BCL2L14: variants seen among roughly 807,000 people sequenced by gnomAD.
The protein encoded by BCL2L14 is apoptosis facilitator Bcl-2-like protein 14.
Under a neutral mutation model 35.3 loss-of-function variants are expected in BCL2L14, and 27 were observed. The observed-to-expected ratio is 0.76, with a 90% CI of 0.56 to 1.05. BCL2L14 has a LOEUF of 1.05. Ranked by LOEUF, BCL2L14 falls within the 50% of genes least tolerant of loss-of-function variation. BCL2L14 has a pLI of 0.00. For missense variants in BCL2L14, 377 were observed against 382.6 expected (o/e 0.99, Z 0.12); for synonymous variants, 139 against 145.9 (o/e 0.95, Z 0.34).
intron 2 of BCL2L14, among the ~76,000 whole-genome samples, chr12:12,083,187 A>G (rs1948966149): frequency 6.6e-6 from 1 of 152,064 alleles, no homozygotes; most frequent in Non-Finnish European, 1.5e-5. Flanking sequence ...GATGGTCTCG[A>G]TCTCCTGGCC....
rs563390070 is a variant in BCL2L14 at position 12,053,586 on chromosome 12, A to G, written c.-272+1739A>G. ...CAGGCATGTGCCACCACACCCGGCTAATTTTGTATTTTTAGTAGAGATGGG... is the reference window on the plus strand; with the variant it reads ...CAGGCATGTGCCACCACACCCGGCTGATTTTGTATTTTTAGTAGAGATGGG... On this transcript the variant is annotated intron_variant, in intron 2 of 3. Coordinates refer to the BCL2L14 transcript ENST00000461264. Among the ~76,000 whole-genome samples, 379 of 152,090 alleles carry G rather than the reference A, an allele frequency of 2.5e-3. 1 individual carries two copies. The highest frequency in any genetic ancestry group is 8.2e-3 in the African/African-American group (342 of 41,486).
chr12:12,051,721 T>C (rs1295309052), intron 1 of BCL2L14: 3 of 152,222 alleles, frequency 2.0e-5, no homozygotes, highest in Non-Finnish European at 4.4e-5. Flanking sequence ...CACTTCATGA[T>C]AGTCTAATAT....
intron 2 of BCL2L14, among the ~76,000 whole-genome samples, chr12:12,052,527 C>T (rs1365590774): frequency 6.6e-6 from 1 of 152,222 alleles, no homozygotes; most frequent in Non-Finnish European, 1.5e-5. Context: ...CCAGATTCAT[C>T]CATGTTGTCC....
chr12:12,075,478 T>A (rs371172521), intron 1 of BCL2L14, among the ~76,000 whole-genome samples: 41 of 151,026 alleles, frequency 2.7e-4, no homozygotes, highest in African/African-American at 9.2e-4. Flanking sequence ...CCAGGCTGGA[T>A]GCAATGGCGT....
At chr12:12,075,410 A>ATTCTTTCTTTCTTTCT (rs71057801) in intron 1 of BCL2L14, among the ~76,000 whole-genome samples, 24 of 142,952 alleles carry the variant, frequency 1.7e-4, no homozygotes, top group Non-Finnish European at 2.4e-4. Context: ...ATATGTTTCT[A>ATTCTTTCTTTCTTTCT]TTCTTTCTTT....
chr12:12,095,126 C>G (rs150883781), intron 5 of BCL2L14, 196 bp downstream of exon 5: 1 of 985,056 alleles, frequency 1.0e-6, no homozygotes, highest in African/African-American at 1.7e-5. Context: ...TAAATATTTA[C>G]TGAGCTCTCC....
At chr12:12,056,915 TC>T (rs2136709309) in intron 2 of BCL2L14, among the ~76,000 whole-genome samples, 1 of 152,262 alleles carries the variant, frequency 6.6e-6, no homozygotes, top group Non-Finnish European at 1.5e-5. Flanking sequence ...AAGCATGCAA[TC>T]AAAGAGACTG....
chr12:12,059,460 T>A (rs922499077), intron 2 of BCL2L14, among the ~76,000 whole-genome samples: 1 of 151,966 alleles, frequency 6.6e-6, no homozygotes, highest in Non-Finnish European at 1.5e-5. Context: ...CCCAATCCCT[T>A]ATTTCTGCAC....
At chr12:12,058,600 A>C (rs1948470117) in intron 2 of BCL2L14, among the ~76,000 whole-genome samples, 6 of 140,060 alleles carry the variant, frequency 4.3e-5, no homozygotes, top group Admixed American at 7.2e-5. Flanking sequence ...TGTGACCCCC[A>C]CTCCTGCCCG....
intron 2 of BCL2L14, among the ~76,000 whole-genome samples, chr12:12,057,947 CT>C (rs71057796): frequency 2.8e-4 from 39 of 139,762 alleles, no homozygotes; most frequent in African/African-American, 5.5e-4. Context: ...GTGTGTTTGT[CT>C]TTTTTTTTTT....
At chr12:12,060,821 C>T (rs547582380) in intron 2 of BCL2L14, among the ~76,000 whole-genome samples, 1 of 131,380 alleles carries the variant, frequency 7.6e-6, no homozygotes. Flanking sequence ...GCCGAAGGCT[C>T]TCTGACTGAC....
At chr12:12,075,257 G>A (rs1316939700) in intron 1 of BCL2L14, among the ~76,000 whole-genome samples, 1 of 151,938 alleles carries the variant, frequency 6.6e-6, no homozygotes, top group Non-Finnish European at 1.5e-5. Flanking sequence ...CAACTCACTG[G>A]AATTACAGGC....
chr12:12,097,211 T>C (rs2961554), intron 5 of BCL2L14, among the ~76,000 whole-genome samples: 35,829 of 152,050 alleles, frequency 0.24, 4,634 homozygotes, highest in East Asian at 0.37. Context: ...CCCAAGAAAG[T>C]TGAAGACATA....
At chr12:12,060,498 T>C (rs1199645203) in intron 2 of BCL2L14, among the ~76,000 whole-genome samples, 13 of 106,358 alleles carry the variant, frequency 1.2e-4, no homozygotes, top group African/African-American at 3.9e-4. Context: ...CACAACAGGA[T>C]TTAATTAACC....
Position 12,091,091 on chromosome 12 carries a change from G to T in BCL2L14, c.678+242G>T, listed in dbSNP as rs57636609. 1.4e-4 allele frequency among the ~76,000 whole-genome samples: 21 copies of T among 152,288 alleles called. No homozygotes were observed. In the East Asian group the frequency reaches 4.1e-3, roughly 29 times the overall value. Reference sequence around the variant, plus strand: ...CTTGGAATTTTTGGAAACTAAAAAAGAAACTTGTTATTGCAAGAAAAGACA... The same window carrying T: ...CTTGGAATTTTTGGAAACTAAAAAATAAACTTGTTATTGCAAGAAAAGACA... On this transcript the variant is annotated intron_variant, in intron 4 of 5. Transcript: ENST00000308721.
At chr12:12,065,767 G>A (rs1948586622) in intron 2 of BCL2L14, among the ~76,000 whole-genome samples, 1 of 151,944 alleles carries the variant, frequency 6.6e-6, no homozygotes, top group South Asian at 2.1e-4. Context: ...GGGAGACATG[G>A]GGAGCAGAGA....
chr12:12,054,714 G>C (rs886162155), intron 2 of BCL2L14: 1 of 152,002 alleles, frequency 6.6e-6, no homozygotes, highest in Non-Finnish European at 1.5e-5. Flanking sequence ...ACTTTGGGAG[G>C]CCGAGGCGGG....
chr12:12,082,931 TG>T (rs1158465373), intron 2 of BCL2L14, among the ~76,000 whole-genome samples: 2 of 152,044 alleles, frequency 1.3e-5, no homozygotes, highest in East Asian at 3.8e-4. Flanking sequence ...AATCAGGCCT[TG>T]CAAATTTGGT....
chr12:12,079,118 A>G (rs1189848396), intron 1 of BCL2L14, 181 bp from the exon 2 acceptor site: 1 of 605,020 alleles, frequency 1.7e-6, no homozygotes, highest in Non-Finnish European at 2.9e-6. Context: ...ATGTGGAGTT[A>G]TCTATGGCCA....
Sources: allele counts gnomAD v4.1 joint callset (sites outside exome capture counted in the v4.1 genomes callset), GRCh38; gene constraint gnomAD v4.1.1; transcripts MANE v1.5; gene names NCBI Gene and HGNC (gene_info 2026-07-23, HGNC 2026-07-21).